The following ZNHIT6 variants were observed in gnomAD, a reference collection of about 807,000 sequenced individuals.
ZNHIT6 encodes box C/D snoRNA protein 1.
In ZNHIT6, 45 loss-of-function variants were observed where a neutral mutation model predicts 57.2. The ratio of observed to expected loss-of-function variants is 0.79; its 90% CI spans 0.62 to 1.01. ZNHIT6 has a LOEUF of 1.01. Ranked by LOEUF, ZNHIT6 falls within the 50% of genes least tolerant of loss-of-function variation. ZNHIT6 has a pLI of 0.00. For missense variants in ZNHIT6, 528 were observed against 567.3 expected (o/e 0.93, Z 0.70); for synonymous variants, 188 against 190.0 (o/e 0.99, Z 0.09).
At chr1:85,699,954 AG>A (rs1253397222) in intron 5 of ZNHIT6, among the ~76,000 whole-genome samples, 8 of 152,208 alleles carry the variant, frequency 5.3e-5, no homozygotes, top group Non-Finnish European at 2.9e-5. Flanking sequence ...ATCTAGCTGC[AG>A]GAAAAAAGGA....
At chr1:85,688,555 C>T (rs978249989) in intron 5 of ZNHIT6, among the ~76,000 whole-genome samples, 1 of 152,216 alleles carries the variant, frequency 6.6e-6, no homozygotes, top group South Asian at 2.1e-4. Flanking sequence ...TCGTTCCCTA[C>T]CTCTCACCAC....
intron 5 of ZNHIT6, among the ~76,000 whole-genome samples, chr1:85,694,791 A>G (rs144400599): frequency 1.3e-5 from 2 of 152,158 alleles, no homozygotes; most frequent in Non-Finnish European, 2.9e-5. Context: ...ATGGGAAAAA[A>G]CTTTAAATAG....
chr1:85,706,200 T>C (rs1050099792), intron 3 of ZNHIT6, 37 bp from the exon 4 acceptor site: 14 of 1,610,958 alleles, frequency 8.7e-6, no homozygotes, highest in Non-Finnish European at 1.2e-5. Flanking sequence ...ACAAGTGACA[T>C]ATACCAATGG....
intron 8 of ZNHIT6, among the ~76,000 whole-genome samples, chr1:85,668,027 C>T (rs1570293917): frequency 1.6e-5 from 2 of 127,390 alleles, no homozygotes; most frequent in Non-Finnish European, 1.6e-5. Context: ...TTCTGTTTTT[C>T]CATTCCGATT....
intron 9 of ZNHIT6, among the ~76,000 whole-genome samples, chr1:85,655,063 G>A (rs1397236486): frequency 6.6e-6 from 1 of 152,106 alleles, no homozygotes; most frequent in Admixed American, 6.5e-5. Context: ...TGTTTACTGA[G>A]CCCTTTCTAA....
intron 5 of ZNHIT6, among the ~76,000 whole-genome samples, chr1:85,692,287 C>T (rs1376083664): frequency 1.3e-5 from 2 of 152,098 alleles, no homozygotes; most frequent in East Asian, 1.9e-4. Flanking sequence ...TCAAGATGAT[C>T]GAGTGTTTGG....
intron 8 of ZNHIT6, among the ~76,000 whole-genome samples, chr1:85,662,155 T>A (rs34884318): frequency 0.31 from 44,900 of 144,840 alleles, 7,216 homozygotes; most frequent in Admixed American, 0.41. Context: ...TAGTGTGCTT[T>A]AAAAAAAAAA....
At chr1:85,654,718 T>G (rs1457365463) in intron 9 of ZNHIT6, among the ~76,000 whole-genome samples, 1 of 152,234 alleles carries the variant, frequency 6.6e-6, no homozygotes, top group Non-Finnish European at 1.5e-5. Context: ...CAAATCATTC[T>G]GCCTTTTAGT....
chr1:85,662,014 G>A (rs1041158077), intron 8 of ZNHIT6, among the ~76,000 whole-genome samples: 1 of 152,110 alleles, frequency 6.6e-6, no homozygotes, highest in African/African-American at 2.4e-5. Context: ...CCAAACAGGT[G>A]TTACAGTGAC....
intron 5 of ZNHIT6, among the ~76,000 whole-genome samples, chr1:85,682,955 C>G (rs2100686810): frequency 6.6e-6 from 1 of 152,230 alleles, no homozygotes; most frequent in East Asian, 1.9e-4. Context: ...TGGCTAAAGC[C>G]TGTATAATCC....
At chr1:85,672,371 T>G (rs1661581782) in intron 8 of ZNHIT6, among the ~76,000 whole-genome samples, 1 of 152,158 alleles carries the variant, frequency 6.6e-6, no homozygotes, top group South Asian at 2.1e-4. Context: ...GAACTAACTC[T>G]TCAACCTTAA....
At chr1:85,697,643 T>C (rs1662413964) in intron 5 of ZNHIT6, among the ~76,000 whole-genome samples, 1 of 152,224 alleles carries the variant, frequency 6.6e-6, no homozygotes, top group Non-Finnish European at 1.5e-5. Flanking sequence ...AGCCTCATCA[T>C]TCTTTTTTCA....
intron 5 of ZNHIT6, among the ~76,000 whole-genome samples, chr1:85,683,145 A>T (rs989318409): frequency 3.9e-5 from 6 of 152,136 alleles, no homozygotes; most frequent in Non-Finnish European, 7.4e-5. Flanking sequence ...TGAGCCCAGG[A>T]GATTAAGGCT....
In ZNHIT6 at chr1:85,687,293, A is replaced by AAAAAAG. The variant is rs1413350109; in HGVS notation, c.1020-6390_1020-6389insCTTTTT. On this transcript the variant is annotated intron_variant, in intron 5 of 9. Coordinates refer to ENST00000370574, the MANE Select transcript of ZNHIT6 (RefSeq NM_017953.4). Reference sequence around the variant, plus strand: ...GAGAAGACTATCTCAAAAAACAAAAAAAAAACAAAAAAAAAAAACAATTTA... The same window carrying AAAAAAG: ...GAGAAGACTATCTCAAAAAACAAAAAAAAAAGAAAAACAAAAAAAAAAAACAATTTA... 1.8e-3 allele frequency among the ~76,000 whole-genome samples: 233 copies of AAAAAAG among 133,016 alleles called. 19 individuals are homozygous for AAAAAAG. Among genetic ancestry groups the AAAAAAG allele is most frequent in the African/African-American group, 6.3e-3 (226 of 35,876 alleles). The allele number at this position is 133,016 out of a possible 152,430, so 87.3% of individuals were successfully genotyped here.
At chr1:85,706,031 T>A in intron 4 of ZNHIT6, 47 bp downstream of exon 4, 1 of 1,411,538 alleles carries the variant, frequency 7.1e-7, no homozygotes, top group Non-Finnish European at 9.7e-7. Context: ...AAGAATCTAA[T>A]TGATTTGAAG....
At position 85,706,339 on chromosome 1, in the gene ZNHIT6, T is replaced by C. The variant is rs1662685465; in HGVS notation, c.739A>G (p.Lys247Glu). 6.2e-7 allele frequency: 1 copy of C among 1,613,974 alleles called. No homozygotes were observed. Among genetic ancestry groups the C allele is most frequent in the African/African-American group, 1.3e-5 (1 of 75,062 alleles). The change falls in exon 3 of 10, where the codon AAA (lysine) becomes GAA (glutamate). Residue 247 changes from lysine (K) to glutamate (E), a missense_variant. By Grantham distance (56) the Lys-to-Glu change is moderately conservative. Transcript: ENST00000370574. ...RYSCSLPCVK[K>E]HKAELTCNGV... ...TTACATGTCAGTTCTGCTTTGTGTT[T>C]CTTTACACAGGGCAAACTGAAAAGA...
intron 9 of ZNHIT6, among the ~76,000 whole-genome samples, chr1:85,656,597 A>C (rs1208551579): frequency 1.3e-5 from 2 of 152,156 alleles, no homozygotes; most frequent in African/African-American, 4.8e-5. Flanking sequence ...TTTATTAAGA[A>C]AAAAGCAACA....
chr1:85,667,437 C>T (rs937886676), intron 8 of ZNHIT6, among the ~76,000 whole-genome samples: 8 of 151,890 alleles, frequency 5.3e-5, no homozygotes, highest in Admixed American at 2.6e-4. Flanking sequence ...TTAAACATAA[C>T]CTAAAATAAT....
intron 8 of ZNHIT6, among the ~76,000 whole-genome samples, chr1:85,658,802 C>T (rs921829397): frequency 6.6e-6 from 1 of 151,720 alleles, no homozygotes; most frequent in African/African-American, 2.4e-5. Context: ...ATCCAGGAGG[C>T]GGAGGCTGCA....
Sources: gnomAD v4.1 joint callset for allele counts (sites outside exome capture counted in the v4.1 genomes callset) on GRCh38, gnomAD v4.1.1 for gene constraint, MANE v1.5 for transcripts, NCBI Gene and HGNC (gene_info 2026-07-23, HGNC 2026-07-21) for gene names.